Variants in IRF2 observed in about 807,000 individuals in gnomAD.
IRF2 encodes the protein interferon regulatory factor 2.
Under a neutral mutation model 40.6 loss-of-function variants are expected in IRF2, and 15 were observed. The observed-to-expected ratio is 0.37, with a 90% confidence interval of 0.25 to 0.57. The LOEUF (loss-of-function observed/expected upper bound fraction) is 0.57. Ranked by LOEUF, IRF2 falls within the 20% of genes least tolerant of loss-of-function variation. The pLI is 0.77. For missense variants in IRF2, 317 were observed against 455.7 expected, an observed-to-expected ratio of 0.70 and a Z score of 2.77; for synonymous variants, 151 against 165.5, an observed-to-expected ratio of 0.91 and a Z score of 0.67.
chr4:184,411,231 G>A lies in IRF2; in HGVS notation c.412-2956C>T, dbSNP rs527285821. On this transcript the variant is annotated intron_variant, in intron 5 of 8. Transcript: ENST00000393593. ...TGCCACCATGCCGGGCTAATTTTTT[G>A]TATTTTTAGTAGAGATGGGGTTTCA... is the stretch of plus-strand genomic sequence containing the variant. Among the ~76,000 whole-genome samples the A allele has an allele frequency of 1.4e-3, 217 of 152,006 alleles. 2 individuals carry two copies. The highest frequency in any genetic ancestry group is 4.9e-3 in the African/African-American group (205 of 41,428).
intron 2 of IRF2, among the ~76,000 whole-genome samples, chr4:184,426,426 T>TC (rs1047557255): frequency 1.1e-4 from 16 of 152,134 alleles, no homozygotes; most frequent in African/African-American, 3.6e-4. Flanking sequence ...CACATGCCCC[T>TC]CTCCTCTGTG....
Position 184,413,809 on chromosome 4 carries a change from T to C in IRF2, c.411+4358A>G, listed in dbSNP as rs1737162977. On this transcript the variant is annotated intron_variant, in intron 5 of 8. Transcript: ENST00000393593. This position sits in a 1 kb window ranked among gnomAD's most constrained non-coding sequence, Gnocchi z 4.2. ...CCGAAGCAGGAAGTACCCATTTCTATTCGCCCCACCTACATGCCTGTATTT... is the reference window on the plus strand; with the variant it reads ...CCGAAGCAGGAAGTACCCATTTCTACTCGCCCCACCTACATGCCTGTATTT... 6.6e-6 allele frequency among the ~76,000 whole-genome samples: 1 copy of C among 152,242 alleles called. No homozygotes were observed. Among genetic ancestry groups the C allele is most frequent in the African/African-American group, 2.4e-5 (1 of 41,460 alleles).
intron 1 of IRF2, among the ~76,000 whole-genome samples, chr4:184,473,493 G>GGGACAAGT (rs1739602367): frequency 6.8e-6 from 1 of 147,760 alleles, no homozygotes; most frequent in Admixed American, 6.7e-5. Flanking sequence ...CTGGCGCGCT[G>GGGACAAGT]GGACAAGTGC....
At chr4:184,430,492 T>A (rs897120831) in intron 1 of IRF2, among the ~76,000 whole-genome samples, 1 of 152,160 alleles carries the variant, frequency 6.6e-6, no homozygotes, top group African/African-American at 2.4e-5. Flanking sequence ...CCCAGACCAC[T>A]CCCGCCTAAA....
At chr4:184,404,733 G>C (rs1736788163) in intron 6 of IRF2, among the ~76,000 whole-genome samples, 1 of 152,158 alleles carries the variant, frequency 6.6e-6, no homozygotes, top group Non-Finnish European at 1.5e-5. Context: ...GAGCCATGGT[G>C]GGAGAGAAGA....
chr4:184,390,654 G>T, intron 8 of IRF2, 49 bp downstream of exon 8: 1 of 1,587,396 alleles, frequency 6.3e-7, no homozygotes, highest in South Asian at 1.1e-5. Context: ...GGAGCTGGTC[G>T]GGAGGCTTTT....
At chr4:184,391,794 C>T (rs991691517) in intron 7 of IRF2, among the ~76,000 whole-genome samples, 2 of 152,226 alleles carry the variant, frequency 1.3e-5, no homozygotes, top group African/African-American at 2.4e-5. Context: ...AATCAGTTGC[C>T]ATCCCCATTT....
At chr4:184,461,730 G>A (rs1190885896) in intron 1 of IRF2, among the ~76,000 whole-genome samples, 2 of 107,108 alleles carry the variant, frequency 1.9e-5, no homozygotes, top group Admixed American at 2.8e-4. Context: ...CCCAAACTGC[G>A]AGGACTTTCA....
At chr4:184,395,796 T>G (rs900889626) in intron 7 of IRF2, among the ~76,000 whole-genome samples, 1 of 152,238 alleles carries the variant, frequency 6.6e-6, no homozygotes, top group Non-Finnish European at 1.5e-5. Context: ...AACCTCCTGT[T>G]GACTGCCATC....
At chr4:184,392,170 G>A (rs149380127) in intron 7 of IRF2, among the ~76,000 whole-genome samples, 144 of 152,364 alleles carry the variant, frequency 9.5e-4, no homozygotes, top group African/African-American at 3.3e-3. Context: ...AGAGGGCAGA[G>A]CCTGTGCAAT....
chr4:184,457,569 A>G (rs1209950037), intron 1 of IRF2, among the ~76,000 whole-genome samples: 1 of 152,206 alleles, frequency 6.6e-6, no homozygotes, highest in Non-Finnish European at 1.5e-5. Context: ...TTACAAACCA[A>G]TTCAAAACAA....
At chr4:184,419,017 G>A (rs1039997554) in intron 3 of IRF2, among the ~76,000 whole-genome samples, 1 of 152,196 alleles carries the variant, frequency 6.6e-6, no homozygotes, top group Non-Finnish European at 1.5e-5. Context: ...AAATATAGAA[G>A]ACTGAGAGGC....
At chr4:184,393,019 C>T (rs1006433705) in intron 7 of IRF2, among the ~76,000 whole-genome samples, 15 of 152,090 alleles carry the variant, frequency 9.9e-5, no homozygotes, top group African/African-American at 3.4e-4. Flanking sequence ...ATTGTTTCCA[C>T]GCAGAAACAC....
intron 1 of IRF2, among the ~76,000 whole-genome samples, chr4:184,457,673 T>G (rs1387532874): frequency 6.6e-6 from 1 of 152,130 alleles, no homozygotes; most frequent in African/African-American, 2.4e-5. Flanking sequence ...CTGGCTATTA[T>G]CAAAGGCACA....
chr4:184,437,508 C>T (rs1468622838), intron 1 of IRF2, among the ~76,000 whole-genome samples: 1 of 152,066 alleles, frequency 6.6e-6, no homozygotes, highest in African/African-American at 2.4e-5. Context: ...CTATTATCAT[C>T]ATTTTAGAGA....
At position 184,413,230 on chromosome 4, in the gene IRF2, C is replaced by T. The variant is rs1213720621; in HGVS notation, c.411+4937G>A. Among the ~76,000 whole-genome samples, 3 of 152,194 alleles carry T rather than the reference C, an allele frequency of 2.0e-5. No homozygotes were observed. The highest frequency in any genetic ancestry group is 4.8e-5 in the African/African-American group (2 of 41,448). On this transcript the variant is annotated intron_variant, in intron 5 of 8. Coordinates refer to ENST00000393593, the MANE Select transcript of IRF2 (RefSeq NM_002199.4). This position sits in a 1 kb window ranked among gnomAD's most constrained non-coding sequence, Gnocchi z 4.2. ...ATCCCGGTGAGAAAGGCCTCCCTTA[C>T]ATATCAATTCCCGCCTGCTCTAAGT...
Position 184,413,793 on chromosome 4 carries a change from G to A in IRF2, c.411+4374C>T, listed in dbSNP as rs1281336072. 6.6e-6 allele frequency among the ~76,000 whole-genome samples: 1 copy of A among 152,184 alleles called. No homozygotes were observed. The highest frequency in any genetic ancestry group is 1.5e-5 in the Non-Finnish European group (1 of 68,030). ...AGCTGCAAACAACCCTCCGAAGCAG[G>A]AAGTACCCATTTCTATTCGCCCCAC... On this transcript the variant is annotated intron_variant, in intron 5 of 8. Transcript: ENST00000393593. This position sits in a 1 kb window ranked among gnomAD's most constrained non-coding sequence, Gnocchi z 4.2.
intron 5 of IRF2, among the ~76,000 whole-genome samples, chr4:184,409,360 T>C (rs975013304): frequency 1.3e-5 from 2 of 151,962 alleles, no homozygotes; most frequent in African/African-American, 4.8e-5. Context: ...GGAGGGGAAA[T>C]AACCTCCTCC....
chr4:184,418,059 G>T (rs1737347046), intron 5 of IRF2, 108 bp downstream of exon 5: 1 of 827,360 alleles, frequency 1.2e-6, no homozygotes, highest in Non-Finnish European at 2.1e-6. Context: ...CACAAGCAAA[G>T]GAAGAAAGAG....
Sources: gnomAD v4.1 joint callset for allele counts (sites outside exome capture counted in the v4.1 genomes callset) on GRCh38, gnomAD v4.1.1 for gene constraint, Gnocchi (gnomAD v3.1) non-coding constraint, MANE v1.5 for transcripts, NCBI Gene and HGNC (gene_info 2026-07-23, HGNC 2026-07-21) for gene names.